The following NAV2 variants were observed in gnomAD, a reference collection of about 807,000 sequenced individuals.
The protein encoded by NAV2 is neuron navigator 2.
NAV2 carries 54 observed loss-of-function variants against 223.2 expected under a neutral mutation model. That is an observed-to-expected ratio of 0.24 (90% CI 0.19 to 0.30). The LOEUF is 0.30. NAV2 is among the 10% of genes least tolerant of loss of function. The pLI, the probability that NAV2 is intolerant of heterozygous loss-of-function variation, is 1.00. For missense variants in NAV2, 2,806 were observed against 3,147.5 expected (o/e 0.89, Z 2.60); for synonymous variants, 1,279 against 1,239.3 (o/e 1.03, Z -0.67).
chr11:19,746,693 C>T (rs1288189853), intron 1 of NAV2, among the ~76,000 whole-genome samples: 1 of 152,056 alleles, frequency 6.6e-6, no homozygotes, highest in African/African-American at 2.4e-5. Context: ...CACATGCCCC[C>T]ATGTTCTCTT....
Position 19,713,930 on chromosome 11 carries a change from A to G in NAV2, c.235A>G (p.Ser79Gly). 6.2e-7 allele frequency: 1 copy of G among 1,613,388 alleles called. No homozygotes were observed. Among genetic ancestry groups the G allele is most frequent in the East Asian group, 2.2e-5 (1 of 44,864 alleles). Residue 79 changes from serine to glycine, a missense_variant, in exon 1 of 38, where the codon AGC (serine) becomes GGC (glycine). Around this residue, in one of 4 missense-constraint regions of NAV2, gnomAD observed 1,167 missense variants for 1,180.5 expected, o/e 0.99. Coordinates refer to ENST00000349880, the MANE Select transcript of NAV2 (RefSeq NM_145117.5). This position sits in a 1 kb window ranked among gnomAD's most constrained non-coding sequence, Gnocchi z 7.2. ...PAGEGLPLRK[S>G]GSVENGFDTQ... The stretch of plus-strand genomic sequence containing the variant: ...GGGGGAGGGGCTCCCGCTGCGGAAG[A>G]GCGGCTCGGTGGAAAACGGGTTCGA...
chr11:20,047,782 C>T (rs138021803), intron 14 of NAV2, among the ~76,000 whole-genome samples: 45 of 152,266 alleles, frequency 3.0e-4, no homozygotes, highest in African/African-American at 8.7e-4. Context: ...CAAACTGTCA[C>T]GACTTTGAGC....
chr11:19,540,619 T>C lies in NAV2; in HGVS notation c.75+189592T>C, dbSNP rs79156397. On this transcript the variant is annotated intron_variant, in intron 1 of 37. Coordinates refer to the NAV2 transcript ENST00000360655. ...CCAAAGTCCATGCTCCAAGTTCTGC[T>C]ATTTTCCCAAAGTGTGTTTCCTTCA... 3.3e-3 allele frequency among the ~76,000 whole-genome samples: 505 copies of C among 152,360 alleles called. 2 individuals carry two copies. Among genetic ancestry groups the C allele is most frequent in the Middle Eastern group, 6.8e-3 (2 of 294 alleles).
rs1404701271 is a variant in NAV2 at position 20,118,857 on chromosome 11, TAAAC to T, written c.*600_*603del. On this transcript the variant is annotated 3_prime_UTR_variant, in exon 38 of 38. Coordinates refer to ENST00000349880, the MANE Select transcript of NAV2 (RefSeq NM_145117.5). ...GACACAGGGAAACCTTAGGAGCAAA[TAAAC>T]CGTGCTTTCATGTTTTTTAAATGGT... 10 of 152,764 alleles carry T rather than the reference TAAAC, an allele frequency of 6.5e-5. No homozygotes were observed. The highest frequency in any genetic ancestry group is 2.4e-4 in the African/African-American group (10 of 41,448). The allele number at this position is 152,764 out of a possible 1,614,324, so 9.5% of individuals were successfully genotyped here.
intron 1 of NAV2, among the ~76,000 whole-genome samples, chr11:19,404,297 G>A (rs963633689): frequency 2.6e-5 from 4 of 152,196 alleles, no homozygotes; most frequent in African/African-American, 9.7e-5. Context: ...CAAGTGAGGT[G>A]CACCTGGGTC....
At chr11:19,413,704 C>G (rs1009526047) in intron 1 of NAV2, among the ~76,000 whole-genome samples, 5 of 152,108 alleles carry the variant, frequency 3.3e-5, no homozygotes, top group African/African-American at 1.2e-4. Context: ...AAAGGGAAGC[C>G]CATCAGACTA....
intron 3 of NAV2, among the ~76,000 whole-genome samples, chr11:19,865,778 C>T (rs1337761980): frequency 2.0e-5 from 3 of 152,188 alleles, no homozygotes; most frequent in African/African-American, 7.2e-5. Context: ...TGTATTTCAT[C>T]TCTTTAGAAG....
At chr11:19,813,025 C>T (rs1347540184) in intron 1 of NAV2, among the ~76,000 whole-genome samples, 6 of 152,092 alleles carry the variant, frequency 3.9e-5, no homozygotes, top group African/African-American at 9.7e-5. Context: ...ATCCGGCACC[C>T]ATGCCAATGT....
chr11:19,379,632 C>T (rs1848766469), intron 1 of NAV2, among the ~76,000 whole-genome samples: 1 of 152,200 alleles, frequency 6.6e-6, no homozygotes, highest in African/African-American at 2.4e-5. Flanking sequence ...TGCCCTGACT[C>T]TTCCCTCCTC....
chr11:19,870,115 C>T (rs1377118026), intron 4 of NAV2, among the ~76,000 whole-genome samples: 2 of 152,148 alleles, frequency 1.3e-5, no homozygotes, highest in African/African-American at 4.8e-5. Flanking sequence ...CAGGCACGGC[C>T]ACACTGCTTC....
At chr11:19,491,614 A>G (rs2042629007) in intron 1 of NAV2, among the ~76,000 whole-genome samples, 1 of 152,188 alleles carries the variant, frequency 6.6e-6, no homozygotes, top group South Asian at 2.1e-4. Flanking sequence ...AATGTTGTGG[A>G]TGATTTGATC....
chr11:19,776,609 G>GTGTGTGTGTGTGTGTGTGT (rs1565295714), intron 1 of NAV2, among the ~76,000 whole-genome samples: 10 of 69,676 alleles, frequency 1.4e-4, no homozygotes, highest in African/African-American at 6.3e-4. Flanking sequence ...TGTGTGTGTG[G>GTGTGTGTGTGTGTGTGTGT]TTAGAGTTGT....
At chr11:20,077,185 A>C (rs1370763615) in intron 22 of NAV2, among the ~76,000 whole-genome samples, 3 of 152,198 alleles carry the variant, frequency 2.0e-5, no homozygotes, top group Non-Finnish European at 1.5e-5. Context: ...TGTATATCAG[A>C]AGTACAGTTT....
chr11:19,466,396 G>C (rs1852351001), intron 1 of NAV2, among the ~76,000 whole-genome samples: 1 of 152,184 alleles, frequency 6.6e-6, no homozygotes, highest in Non-Finnish European at 1.5e-5. Context: ...TCTAGTTTGG[G>C]GGTGAAGCCT....
At chr11:19,967,300 A>C (rs2048850359) in intron 10 of NAV2, among the ~76,000 whole-genome samples, 1 of 152,054 alleles carries the variant, frequency 6.6e-6, no homozygotes, top group South Asian at 2.1e-4. Flanking sequence ...GGATTCATAG[A>C]ATAAGAATAT....
At chr11:20,068,073 C>G in intron 20 of NAV2, 113 bp from the exon 21 acceptor site, 1 of 983,638 alleles carries the variant, frequency 1.0e-6, no homozygotes, top group Non-Finnish European at 1.6e-6. Context: ...AGAAAAGAAA[C>G]TAATAATTCT....
chr11:19,933,492 A>G lies in NAV2; in HGVS notation c.1248A>G (p.Ala416=). The change falls in exon 7 of 38, where the codon GCA becomes GCG. Residue 416 remains alanine, a synonymous_variant. Coordinates refer to ENST00000349880, the MANE Select transcript of NAV2 (RefSeq NM_145117.5). The surrounding 1 kb of genome is among the most constrained non-coding windows in gnomAD (Gnocchi z 4.3). ...TCAACAGTAAAGGGGGCTCAAAGGC[A>G]GGTGAGGGGCCGGGGTCCCGGGACA... ...KLFNSKGGSK[A]GEGPGSRDTS... The G allele has an allele frequency of 6.2e-7, 1 of 1,611,054 alleles. No individual in the cohort carries two copies. The highest frequency in any genetic ancestry group is 8.5e-7 in the Non-Finnish European group (1 of 1,178,762).
intron 1 of NAV2, among the ~76,000 whole-genome samples, chr11:19,529,539 C>T (rs1192554977): frequency 1.3e-5 from 2 of 152,196 alleles, no homozygotes; most frequent in Non-Finnish European, 2.9e-5. Flanking sequence ...TCTTTGGAGC[C>T]CTTACCCGAA....
chr11:19,773,900 T>G (rs893626308), intron 1 of NAV2, among the ~76,000 whole-genome samples: 5 of 152,230 alleles, frequency 3.3e-5, no homozygotes, highest in African/African-American at 1.2e-4. Context: ...TTGCTGTTAC[T>G]AGGTCTTCTT....
Sources: gnomAD v4.1 joint callset for allele counts (sites outside exome capture counted in the v4.1 genomes callset) on GRCh38, gnomAD v4.1.1 for gene constraint, gnomAD v4.1.1 regional missense constraint, Gnocchi (gnomAD v3.1) non-coding constraint, MANE v1.5 for transcripts, NCBI Gene and HGNC (gene_info 2026-07-23, HGNC 2026-07-21) for gene names.